SEL1L3: variants seen among roughly 807,000 people sequenced by gnomAD.
The protein encoded by SEL1L3 is protein sel-1 homolog 3.
Under a neutral mutation model 142.8 loss-of-function variants are expected in SEL1L3, and 76 were observed. The ratio of observed to expected loss-of-function variants is 0.53; its 90% confidence interval spans 0.44 to 0.64. The LOEUF is 0.64. SEL1L3 is among the 30% of genes least tolerant of loss of function. The pLI, the probability that SEL1L3 is intolerant of heterozygous loss-of-function variation, is 0.00. For missense variants in SEL1L3, 1,262 were observed against 1,381.7 expected (o/e 0.91, Z 1.37); for synonymous variants, 504 against 519.6 (o/e 0.97, Z 0.41).
At chr4:25,750,238 A>C in intron 23 of SEL1L3, among the ~76,000 whole-genome samples, 1 of 94,954 alleles carries the variant, frequency 1.1e-5, no homozygotes, top group African/African-American at 3.1e-5. Context: ...CCATCTCAAA[A>C]AAAAAAAAAA....
At chr4:25,779,803 T>C (rs1269592462) in intron 15 of SEL1L3, among the ~76,000 whole-genome samples, 1 of 152,232 alleles carries the variant, frequency 6.6e-6, no homozygotes, top group Non-Finnish European at 1.5e-5. Context: ...CAGTTGGCTA[T>C]TGTTTTTTGA....
At chr4:25,724,912 C>T in the SEL1L3 span, among the ~76,000 whole-genome samples, 1 of 152,062 alleles carries the variant, frequency 6.6e-6, no homozygotes, top group Non-Finnish European at 1.5e-5. Flanking sequence ...CAATATCCTC[C>T]TCAGCTCCTG....
At chr4:25,811,385 G>A (rs182834327) in intron 9 of SEL1L3, among the ~76,000 whole-genome samples, 24 of 152,346 alleles carry the variant, frequency 1.6e-4, no homozygotes, top group African/African-American at 5.5e-4. Context: ...TACCGAGAAA[G>A]AGCAGCCGCT....
At chr4:25,808,998 G>T (rs538276530) in intron 9 of SEL1L3, among the ~76,000 whole-genome samples, 66 of 148,028 alleles carry the variant, frequency 4.5e-4, no homozygotes, top group African/African-American at 1.5e-3. Context: ...GCGTGAACCC[G>T]GGAGGCAGAG....
At chr4:25,751,710 T>C (rs916178364) in intron 23 of SEL1L3, among the ~76,000 whole-genome samples, 3 of 150,140 alleles carry the variant, frequency 2.0e-5, no homozygotes, top group East Asian at 3.9e-4. Flanking sequence ...TATATATAAG[T>C]ATATATGATG....
intron 1 of SEL1L3, among the ~76,000 whole-genome samples, chr4:25,857,060 G>A (rs1377722811): frequency 6.6e-6 from 1 of 152,144 alleles, no homozygotes; most frequent in African/African-American, 2.4e-5. Context: ...TGGCTCATGA[G>A]GGCTTTCTCT....
At chr4:25,754,232 G>A (rs899122479) in intron 23 of SEL1L3, among the ~76,000 whole-genome samples, 2 of 150,228 alleles carry the variant, frequency 1.3e-5, no homozygotes, top group Admixed American at 6.6e-5. Flanking sequence ...AACCCAGGAG[G>A]TGGAGGTTGT....
At chr4:25,782,439 G>A (rs1285177272) in intron 14 of SEL1L3, 21 bp from the exon 15 acceptor site, 15 of 1,604,808 alleles carry the variant, frequency 9.3e-6, no homozygotes, top group Non-Finnish European at 1.3e-5. Flanking sequence ...GAACAAGAAA[G>A]AAATTAACTT....
chr4:25,714,863 C>A, the SEL1L3 span, among the ~76,000 whole-genome samples: 1 of 151,924 alleles, frequency 6.6e-6, no homozygotes, highest in African/African-American at 2.4e-5. Context: ...TGAGCCACCG[C>A]GCCCTGCCAA....
intron 16 of SEL1L3, 23 bp downstream of exon 16, chr4:25,779,053 T>C (rs73258100): frequency 0.052 from 83,562 of 1,610,480 alleles, 2,549 homozygotes; most frequent in Non-Finnish European, 0.06. Context: ...TCCCTTCAAA[T>C]GCAACGTTTG....
At chr4:25,781,502 G>A (rs914042426) in intron 15 of SEL1L3, among the ~76,000 whole-genome samples, 6 of 152,136 alleles carry the variant, frequency 3.9e-5, no homozygotes, top group Admixed American at 2.0e-4. Flanking sequence ...ACCAGGCGTG[G>A]TGGTGCACGC....
the SEL1L3 span, among the ~76,000 whole-genome samples, chr4:25,726,548 CA>C: frequency 2.8e-4 from 40 of 144,922 alleles, no homozygotes; most frequent in Admixed American, 1.2e-3. Context: ...AAAAAAAACC[CA>C]AAAAAAAACC....
intron 11 of SEL1L3, among the ~76,000 whole-genome samples, chr4:25,799,652 G>C (rs1713040736): frequency 6.6e-6 from 1 of 152,152 alleles, no homozygotes; most frequent in South Asian, 2.1e-4. Flanking sequence ...AAGCTGTTGG[G>C]GGTTGTTGAC....
At chr4:25,851,460 T>G (rs751923202) in intron 1 of SEL1L3, among the ~76,000 whole-genome samples, 16 of 152,116 alleles carry the variant, frequency 1.1e-4, no homozygotes, top group Admixed American at 3.9e-4. Context: ...ATATCACTGG[T>G]TGCTTACACG....
intron 12 of SEL1L3, among the ~76,000 whole-genome samples, chr4:25,789,861 C>T (rs1015270806): frequency 6.6e-6 from 1 of 152,128 alleles, no homozygotes; most frequent in African/African-American, 2.4e-5. Flanking sequence ...AGGGTGCTTC[C>T]CCAGCCGTCT....
the SEL1L3 span, among the ~76,000 whole-genome samples, chr4:25,729,670 C>T: frequency 3.5e-4 from 54 of 152,264 alleles, no homozygotes; most frequent in East Asian, 8.7e-3. Context: ...GCCGAGATCG[C>T]GGCACTGCAC....
At chr4:25,850,322 G>T (rs1192258665) in intron 1 of SEL1L3, among the ~76,000 whole-genome samples, 2 of 152,112 alleles carry the variant, frequency 1.3e-5, no homozygotes, top group African/African-American at 2.4e-5. Flanking sequence ...ATGAGCAAAT[G>T]ACATAGCTAA....
At chr4:25,723,600 G>T in the SEL1L3 span, among the ~76,000 whole-genome samples, 34 of 152,284 alleles carry the variant, frequency 2.2e-4, no homozygotes, top group African/African-American at 8.2e-4. Flanking sequence ...TGCAATTGTG[G>T]TCATGTCAAT....
At chr4:25,848,715 A>G (rs80155022) in intron 1 of SEL1L3, among the ~76,000 whole-genome samples, 1 of 152,372 alleles carries the variant, frequency 6.6e-6, no homozygotes, top group African/African-American at 2.4e-5. Flanking sequence ...ACACACAGAG[A>G]GAAAATAACA....
Sources: gnomAD v4.1 joint callset for allele counts (sites outside exome capture counted in the v4.1 genomes callset) on GRCh38, gnomAD v4.1.1 for gene constraint, MANE v1.5 for transcripts, NCBI Gene and HGNC (gene_info 2026-07-23, HGNC 2026-07-21) for gene names.